The following CDH18 variants were observed in gnomAD, a reference collection of about 807,000 sequenced individuals.
The protein encoded by CDH18 is cadherin 18, also known as cadherin-18.
Under a neutral mutation model 67.9 loss-of-function variants are expected in CDH18, and 31 were observed. The observed-to-expected ratio is 0.46, with a 90% CI of 0.34 to 0.62. The LOEUF is 0.62. CDH18 is among the 20% of genes least tolerant of loss of function. The probability of loss-of-function intolerance (pLI) is 0.01; values close to 1 mark genes in which losing one functional copy is unlikely to be tolerated. For synonymous variants in CDH18, 362 were observed against 347.2 expected (o/e 1.04, Z -0.48); for missense variants, 890 against 975.5 (o/e 0.91, Z 1.17).
At chr5:19,725,689 A>C (rs1189006817) in intron 4 of CDH18, among the ~76,000 whole-genome samples, 1 of 152,160 alleles carries the variant, frequency 6.6e-6, no homozygotes, top group Non-Finnish European at 1.5e-5. Flanking sequence ...GAATCACTTG[A>C]ACCCGGGAGG....
intron 2 of CDH18, among the ~76,000 whole-genome samples, chr5:20,141,146 T>C (rs1750208874): frequency 6.6e-6 from 1 of 152,178 alleles, no homozygotes; most frequent in African/African-American, 2.4e-5. Flanking sequence ...ATTTTGGTAC[T>C]TGTAAGTAGT....
chr5:20,124,705 G>A (rs568270371), intron 2 of CDH18, among the ~76,000 whole-genome samples: 14 of 152,120 alleles, frequency 9.2e-5, no homozygotes, highest in Admixed American at 2.6e-4. Flanking sequence ...CTGTGAAAGC[G>A]GGCATTTGTG....
At chr5:20,057,910 T>C (rs1013911276) in intron 2 of CDH18, among the ~76,000 whole-genome samples, 7 of 152,166 alleles carry the variant, frequency 4.6e-5, no homozygotes, top group Non-Finnish European at 8.8e-5. Flanking sequence ...TCTTAAGCAA[T>C]ATTACTTTTT....
chr5:19,775,813 A>G (rs1015218575), intron 3 of CDH18, among the ~76,000 whole-genome samples: 2 of 152,194 alleles, frequency 1.3e-5, no homozygotes, highest in South Asian at 2.1e-4. Flanking sequence ...TGTCTTTGCA[A>G]TAAAACAGAT....
intron 12 of CDH18, 125 bp downstream of exon 12, chr5:19,483,176 C>A: frequency 1.2e-6 from 1 of 821,206 alleles, no homozygotes; most frequent in Middle Eastern, 2.9e-4. Context: ...AAAATTAATT[C>A]ATAGGAAATT....
At chr5:19,607,793 A>G (rs1361804201) in intron 6 of CDH18, among the ~76,000 whole-genome samples, 2 of 151,546 alleles carry the variant, frequency 1.3e-5, no homozygotes, top group African/African-American at 4.8e-5. Context: ...AAGTACAATT[A>G]TAGAAAACAT....
intron 1 of CDH18, among the ~76,000 whole-genome samples, chr5:20,571,575 G>T (rs1052417236): frequency 2.8e-4 from 43 of 152,014 alleles, no homozygotes; most frequent in Non-Finnish European, 5.9e-4. Context: ...TTTGTATATT[G>T]TATATGCTAG....
intron 9 of CDH18, among the ~76,000 whole-genome samples, chr5:19,543,465 CAAAAT>C (rs1240215646): frequency 6.6e-6 from 1 of 152,050 alleles, no homozygotes; most frequent in Non-Finnish European, 1.5e-5. Context: ...ATTATATTGA[CAAAAT>C]AATCAATGTG....
intron 1 of CDH18, among the ~76,000 whole-genome samples, chr5:20,404,650 G>A (rs566829694): frequency 6.6e-6 from 1 of 152,140 alleles, no homozygotes; most frequent in South Asian, 2.1e-4. Context: ...AATTACAATA[G>A]TAACATGAAA....
At chr5:19,719,957 G>GAAAGAAAGAAAGAAAGAAAGA (rs869259013) in intron 5 of CDH18, among the ~76,000 whole-genome samples, 40 of 149,510 alleles carry the variant, frequency 2.7e-4, no homozygotes, top group African/African-American at 8.8e-4. Context: ...AAGAAAGAAA[G>GAAAGAAAGAAAGAAAGAAAGA]AAGGAAAGAG....
intron 2 of CDH18, among the ~76,000 whole-genome samples, chr5:20,108,281 A>T (rs558038237): frequency 6.6e-6 from 1 of 151,542 alleles, no homozygotes; most frequent in South Asian, 2.1e-4. Flanking sequence ...TAGTAGAGAC[A>T]AGGTTTCACC....
intron 1 of CDH18, among the ~76,000 whole-genome samples, chr5:20,573,847 ATTTATATATAAAAGAAATATATATAT>A (rs1261228675): frequency 1.2e-4 from 9 of 72,052 alleles, no homozygotes; most frequent in Non-Finnish European, 1.8e-4. Flanking sequence ...ATATATATGT[ATTTATATATAAAAGAAATATATATAT>A]GTATTTATAT....
rs573368671 is a variant in CDH18, at chr5:19,558,507, T to C, written c.1253+13072A>G. Reference sequence around the variant, plus strand: ...CATACAAAAGAGCATTCTAGGCTATTATGAACAACTTTATGCACATAAAAT... The same window carrying C: ...CATACAAAAGAGCATTCTAGGCTATCATGAACAACTTTATGCACATAAAAT... On this transcript the variant is annotated intron_variant, in intron 8 of 12. Coordinates refer to ENST00000382275, the MANE Select transcript of CDH18 (RefSeq NM_004934.5). Among the ~76,000 whole-genome samples the C allele has an allele frequency of 9.5e-4, 144 of 152,072 alleles. 1 individual carries two copies. The highest frequency in any genetic ancestry group is 3.4e-3 in the African/African-American group (142 of 41,522).
At chr5:20,012,059 A>T (rs1383385949) in intron 2 of CDH18, among the ~76,000 whole-genome samples, 1 of 151,684 alleles carries the variant, frequency 6.6e-6, no homozygotes, top group Non-Finnish European at 1.5e-5. Context: ...CTGTCAATCC[A>T]TCTGGTCCTG....
intron 2 of CDH18, among the ~76,000 whole-genome samples, chr5:20,017,133 T>C (rs1737947999): frequency 6.6e-6 from 1 of 152,190 alleles, no homozygotes; most frequent in Admixed American, 6.5e-5. Context: ...ACATTTTCAG[T>C]TAGTATGCTC....
At chr5:20,357,821 T>C (rs1389689351) in intron 1 of CDH18, among the ~76,000 whole-genome samples, 4 of 152,104 alleles carry the variant, frequency 2.6e-5, no homozygotes, top group Non-Finnish European at 5.9e-5. Flanking sequence ...AAATAAATGA[T>C]TCTACCAAAA....
chr5:20,281,684 G>A (rs979210056), intron 1 of CDH18, among the ~76,000 whole-genome samples: 7 of 152,068 alleles, frequency 4.6e-5, no homozygotes, highest in African/African-American at 7.2e-5. Flanking sequence ...TTGACTTGGC[G>A]ATGCGGGCTC....
At chr5:19,863,848 C>A (rs929968004) in intron 2 of CDH18, among the ~76,000 whole-genome samples, 5 of 152,118 alleles carry the variant, frequency 3.3e-5, no homozygotes, top group Non-Finnish European at 5.9e-5. Flanking sequence ...AATCCCAGTG[C>A]GGGCTCCATT....
intron 2 of CDH18, among the ~76,000 whole-genome samples, chr5:19,924,472 G>A (rs1792875717): frequency 6.6e-6 from 1 of 151,874 alleles, no homozygotes; most frequent in Admixed American, 6.6e-5. Flanking sequence ...CCCCATCTCT[G>A]GAGTTTAGCT....
Sources: gnomAD v4.1 joint callset for allele counts (sites outside exome capture counted in the v4.1 genomes callset) on GRCh38, gnomAD v4.1.1 for gene constraint, MANE v1.5 for transcripts, NCBI Gene and HGNC (gene_info 2026-07-23, HGNC 2026-07-21) for gene names.